The following MEGF11 variants were observed in gnomAD, a reference collection of about 807,000 sequenced individuals.
The protein encoded by MEGF11 is multiple EGF like domains 11.
A neutral mutation model predicts 146.6 loss-of-function variants in MEGF11; 126 were observed. The observed-to-expected ratio is 0.86, with a 90% CI of 0.74 to 1.00. MEGF11 has a LOEUF of 1.00. Ranked by LOEUF, MEGF11 falls within the 50% of genes least tolerant of loss-of-function variation. MEGF11 has a pLI of 0.00. For missense variants in MEGF11, 1,509 were observed against 1,521.2 expected, an observed-to-expected ratio of 0.99 and a Z score of 0.13; for synonymous variants, 532 against 583.4, an observed-to-expected ratio of 0.91 and a Z score of 1.27.
At chr15:66,145,426 G>A (rs1304303874) in intron 1 of MEGF11, among the ~76,000 whole-genome samples, 2 of 152,038 alleles carry the variant, frequency 1.3e-5, no homozygotes, top group East Asian at 1.9e-4. Flanking sequence ...ATGACATAAC[G>A]AGGAGCTGCC....
intron 25 of MEGF11, 44 bp downstream of exon 25, chr15:65,898,684 A>T: frequency 6.2e-7 from 1 of 1,607,438 alleles, no homozygotes; most frequent in South Asian, 1.1e-5. Context: ...CAAATGCTGC[A>T]CTATTGCCCT....
Position 66,058,159 on chromosome 15 carries a change from G to A in MEGF11, c.394+36243C>T, listed in dbSNP as rs149202520. 5.3e-5 allele frequency among the ~76,000 whole-genome samples: 8 copies of A among 152,130 alleles called. No homozygotes were observed. In the East Asian group the frequency reaches 9.7e-4, roughly 18 times the overall value. The stretch of plus-strand genomic sequence containing the variant: ...GTTTCAATGAGATGGGCTCACAGAT[G>A]GAAGCCGGGGCCATATCCCTGCAAG... On this transcript the variant is annotated intron_variant, in intron 5 of 25. Transcript: ENST00000395614.
chr15:65,948,446 G>A (rs780867026), intron 10 of MEGF11, among the ~76,000 whole-genome samples: 3 of 152,070 alleles, frequency 2.0e-5, no homozygotes, highest in Admixed American at 6.5e-5. Flanking sequence ...TACCGACCCC[G>A]AAGGGCTGGC....
intron 5 of MEGF11, among the ~76,000 whole-genome samples, chr15:66,044,803 T>C (rs11638597): frequency 0.19 from 26,313 of 141,646 alleles, 3,062 homozygotes; most frequent in East Asian, 0.55. Context: ...CAGTGAGCTA[T>C]GATCACATCA....
intron 8 of MEGF11, among the ~76,000 whole-genome samples, chr15:65,969,086 T>C (rs2081214549): frequency 6.6e-6 from 1 of 152,202 alleles, no homozygotes; most frequent in South Asian, 2.1e-4. Flanking sequence ...GGTTCCTCTC[T>C]GCCCAGGATC....
At chr15:66,202,010 G>C (rs1465150028) in intron 1 of MEGF11, among the ~76,000 whole-genome samples, 1 of 151,454 alleles carries the variant, frequency 6.6e-6, no homozygotes, top group Non-Finnish European at 1.5e-5. Context: ...TCCCGGTGGG[G>C]TGGGGTGGCT....
At chr15:66,005,081 T>A (rs1342998130) in intron 5 of MEGF11, among the ~76,000 whole-genome samples, 5 of 152,262 alleles carry the variant, frequency 3.3e-5, no homozygotes, top group African/African-American at 1.2e-4. Flanking sequence ...TGGGGCAACA[T>A]AGGGAGACTC....
At chr15:66,138,559 G>T (rs143531967) in intron 1 of MEGF11, among the ~76,000 whole-genome samples, 3 of 152,058 alleles carry the variant, frequency 2.0e-5, no homozygotes, top group South Asian at 2.1e-4. Context: ...GTCGGGTCAC[G>T]GCCGGCACTT....
Position 65,912,091 on chromosome 15 carries a change from G to T in MEGF11, c.2820C>A (p.Ser940Arg). The change falls in exon 21 of 26, where the codon AGC becomes AGA. Residue 940 changes from serine (S) to arginine (R), a missense_variant. Coordinates refer to ENST00000395614, the MANE Select transcript of MEGF11 (RefSeq NM_001385028.1). ...TSQASTLDRN[S>R]PTKLSNKSLD... ...ATCAGGGGCCCGGTACCTTGGTGGGGCTGTTCCTGTCCAGAGTGCTGGCCT... is the reference window on the plus strand; with the variant it reads ...ATCAGGGGCCCGGTACCTTGGTGGGTCTGTTCCTGTCCAGAGTGCTGGCCT... The T allele has an allele frequency of 8.1e-7, 1 of 1,231,778 alleles. No homozygotes were observed. The highest frequency in any genetic ancestry group is 1.0e-6 in the Non-Finnish European group (1 of 987,630). 76.3% of individuals were successfully genotyped at this position (1,231,778 alleles called of 1,614,324 possible).
intron 1 of MEGF11, among the ~76,000 whole-genome samples, chr15:66,187,655 C>G (rs1349475772): frequency 1.3e-5 from 2 of 150,692 alleles, no homozygotes; most frequent in African/African-American, 4.9e-5. Context: ...CATCCACAAC[C>G]CTCGGAGGGG....
At chr15:66,065,283 T>A (rs2085076133) in intron 5 of MEGF11, among the ~76,000 whole-genome samples, 1 of 151,036 alleles carries the variant, frequency 6.6e-6, no homozygotes, top group Non-Finnish European at 1.5e-5. Context: ...ACCAGGAGTC[T>A]ATTTATTCTA....
chr15:66,082,514 T>TATAAATAA lies in MEGF11; in HGVS notation c.394+11880_394+11887dup, dbSNP rs780791524. Among the ~76,000 whole-genome samples the TATAAATAA allele has an allele frequency of 9.9e-4, 114 of 115,026 alleles. 1 individual carries two copies. The highest frequency in any genetic ancestry group is 2.2e-3 in the South Asian group (7 of 3,206). 75.5% of individuals were successfully genotyped at this position (115,026 alleles called of 152,430 possible). On this transcript the variant is annotated intron_variant, in intron 5 of 25. Transcript: ENST00000395614. ...CTATCTATCTATCTATCTATCTATC[T>TATAAATAA]ATAAATAAATTAGCCAGGTGTGGTG...
At chr15:65,930,566 C>T (rs981791969) in intron 11 of MEGF11, among the ~76,000 whole-genome samples, 1 of 152,212 alleles carries the variant, frequency 6.6e-6, no homozygotes, top group African/African-American at 2.4e-5. Context: ...CAGGTGTTAA[C>T]GTGTCTCGGT....
intron 6 of MEGF11, among the ~76,000 whole-genome samples, chr15:65,981,673 A>G (rs2081644020): frequency 1.3e-5 from 2 of 152,084 alleles, no homozygotes; most frequent in African/African-American, 4.8e-5. Flanking sequence ...GCAGTCTTGT[A>G]GGTCTCCTGT....
chr15:66,243,058 C>T (rs2092241610), intron 1 of MEGF11, among the ~76,000 whole-genome samples: 1 of 152,174 alleles, frequency 6.6e-6, no homozygotes, highest in Non-Finnish European at 1.5e-5. Flanking sequence ...CACACACACT[C>T]AAAAAGAAAT....
intron 5 of MEGF11, among the ~76,000 whole-genome samples, chr15:66,032,047 G>A (rs1458586372): frequency 1.3e-5 from 2 of 152,198 alleles, no homozygotes; most frequent in African/African-American, 4.8e-5. Flanking sequence ...AGGGATCTAG[G>A]TTGCAAGCTC....
At chr15:65,989,861 T>A (rs528321931) in intron 5 of MEGF11, among the ~76,000 whole-genome samples, 1 of 152,310 alleles carries the variant, frequency 6.6e-6, no homozygotes, top group Admixed American at 6.5e-5. Flanking sequence ...GGAATTTAGG[T>A]TGTCACAAAT....
intron 5 of MEGF11, among the ~76,000 whole-genome samples, chr15:66,066,820 A>G (rs1330278544): frequency 6.6e-6 from 1 of 152,162 alleles, no homozygotes; most frequent in Admixed American, 6.5e-5. Context: ...TTGTGTTTCC[A>G]TTTTGCTGCA....
At chr15:66,035,872 T>G (rs761893194) in intron 5 of MEGF11, among the ~76,000 whole-genome samples, 3 of 152,252 alleles carry the variant, frequency 2.0e-5, no homozygotes, top group African/African-American at 4.8e-5. Context: ...TATTATAGTT[T>G]TGCATGTTTT....
Sources: allele counts gnomAD v4.1 joint callset (sites outside exome capture counted in the v4.1 genomes callset), GRCh38; gene constraint gnomAD v4.1.1; transcripts MANE v1.5; gene names NCBI Gene and HGNC (gene_info 2026-07-23, HGNC 2026-07-21).